Variants in RAB20 observed in about 807,000 individuals in gnomAD.
RAB20 encodes the protein ras-related protein Rab-20.
A neutral mutation model predicts 3.7 loss-of-function variants in RAB20; 2 were observed. The ratio of observed to expected loss-of-function variants is 0.54; its 90% confidence interval spans 0.22 to 1.69. The LOEUF (loss-of-function observed/expected upper bound fraction) is 1.69, where lower values mean the gene tolerates loss of function less well. Ranked by LOEUF, RAB20 falls within the 40% of genes most tolerant of loss-of-function variation. The pLI, the probability that RAB20 is intolerant of heterozygous loss-of-function variation, is 0.19. For synonymous variants in RAB20, 126 were observed against 130.8 expected, an observed-to-expected ratio of 0.96 and a Z score of 0.25; for missense variants, 276 against 311.9, an observed-to-expected ratio of 0.88 and a Z score of 0.87.
chr13:110,523,861 T>C lies in RAB20; in HGVS notation c.509A>G (p.Gln170Arg). ...KILKYKMLDEQDVPAAEQMCF... is the reference protein window; with the variant it reads ...KILKYKMLDERDVPAAEQMCF... ...CATTTGCTCAGCGGCCGGCACATCCTGCTCATCCAGCATCTTGTACTTGAG... is the reference window on the plus strand; with the variant it reads ...CATTTGCTCAGCGGCCGGCACATCCCGCTCATCCAGCATCTTGTACTTGAG... Residue 170 changes from glutamine to arginine, a missense_variant, in exon 2 of 2, where the codon CAG (glutamine) becomes CGG (arginine). By Grantham distance (43) the Gln-to-Arg change is conservative. Coordinates refer to ENST00000267328, the MANE Select transcript of RAB20 (RefSeq NM_017817.3). 6.2e-7 allele frequency: 1 copy of C among 1,614,234 alleles called. No homozygotes were observed. The highest frequency in any genetic ancestry group is 8.5e-7 in the Non-Finnish European group (1 of 1,180,048).
intron 1 of RAB20, among the ~76,000 whole-genome samples, chr13:110,545,269 G>T (rs1228105642): frequency 6.6e-6 from 1 of 152,156 alleles, no homozygotes; most frequent in African/African-American, 2.4e-5. Flanking sequence ...CAATTATTAT[G>T]CATTGCATGC....
intron 1 of RAB20, among the ~76,000 whole-genome samples, chr13:110,548,032 G>A (rs79797686): frequency 2.0e-4 from 30 of 152,250 alleles, no homozygotes; most frequent in East Asian, 5.8e-4. Flanking sequence ...TCCTTATGCC[G>A]TCAAGGCTCT....
At chr13:110,530,905 C>T (rs952170045) in intron 1 of RAB20, among the ~76,000 whole-genome samples, 11 of 152,224 alleles carry the variant, frequency 7.2e-5, no homozygotes, top group African/African-American at 2.7e-4. Flanking sequence ...AGAGCTAATT[C>T]CACTCACTTT....
intron 1 of RAB20, among the ~76,000 whole-genome samples, chr13:110,541,381 C>T (rs531974962): frequency 1.3e-5 from 2 of 152,300 alleles, no homozygotes; most frequent in Admixed American, 6.5e-5. Context: ...GCTAAGTAAA[C>T]AATAGGCCAC....
intron 1 of RAB20, among the ~76,000 whole-genome samples, chr13:110,550,829 G>A (rs1354753201): frequency 6.6e-6 from 1 of 152,098 alleles, no homozygotes; most frequent in Non-Finnish European, 1.5e-5. Context: ...ACACAGTCCT[G>A]GTATGTTAGT....
intron 1 of RAB20, among the ~76,000 whole-genome samples, chr13:110,558,445 G>A (rs1268377848): frequency 6.0e-5 from 9 of 148,810 alleles, no homozygotes; most frequent in South Asian, 2.1e-4. Flanking sequence ...GTGCAATGGC[G>A]CAATCTTGGC....
intron 1 of RAB20, among the ~76,000 whole-genome samples, chr13:110,548,201 C>T (rs1002855906): frequency 1.4e-5 from 2 of 148,014 alleles, no homozygotes; most frequent in African/African-American, 2.5e-5. Flanking sequence ...CACCATAATT[C>T]GGCCGGGCAC....
chr13:110,554,094 A>G (rs1885000328), intron 1 of RAB20, among the ~76,000 whole-genome samples: 1 of 152,204 alleles, frequency 6.6e-6, no homozygotes, highest in Non-Finnish European at 1.5e-5. Context: ...CAGCCTGGAC[A>G]ACAGACCAAG....
chr13:110,528,059 T>C lies in RAB20; in HGVS notation c.173-3862A>G, dbSNP rs560993781. The stretch of plus-strand genomic sequence containing the variant: ...TCGAGGCTGCAATAAGCTATGATCA[T>C]GCCACTGCACTCCAGCCTGAGCAAC... On this transcript the variant is annotated intron_variant, in intron 1 of 1. Coordinates refer to ENST00000267328, the MANE Select transcript of RAB20 (RefSeq NM_017817.3). Among the ~76,000 whole-genome samples, 4 of 151,892 alleles carry C rather than the reference T, an allele frequency of 2.6e-5. No individual in the cohort carries two copies. The South Asian group carries it at 8.3e-4, about 32-fold the overall frequency.
intron 1 of RAB20, among the ~76,000 whole-genome samples, chr13:110,537,929 CCATGCTACACTAT>C (rs950205714): frequency 1.1e-4 from 17 of 152,080 alleles, no homozygotes; most frequent in Non-Finnish European, 2.1e-4. Context: ...TTCCCAACAA[CCATGCTACACTAT>C]CAGCTTCAGG....
chr13:110,541,261 A>G (rs2139582509), intron 1 of RAB20, among the ~76,000 whole-genome samples: 1 of 152,354 alleles, frequency 6.6e-6, no homozygotes, highest in East Asian at 1.9e-4. Flanking sequence ...GGCCTCAGGA[A>G]CATCACTCCT....
chr13:110,530,046 T>A (rs536154153), intron 1 of RAB20, among the ~76,000 whole-genome samples: 1 of 152,270 alleles, frequency 6.6e-6, no homozygotes, highest in East Asian at 1.9e-4. Context: ...ACCAGGACTT[T>A]AACCGTGAGT....
chr13:110,533,420 T>C lies in RAB20; in HGVS notation c.173-9223A>G, dbSNP rs74596246. Among the ~76,000 whole-genome samples, 57 of 152,304 alleles carry C rather than the reference T, an allele frequency of 3.7e-4. No individual in the cohort carries two copies. In the East Asian group the frequency reaches 0.011, roughly 29 times the overall value. ...CGTGGAGGCCAGGCACAGTGGTTCA[T>C]ACCTGTAATCCTAGCACTTCAGAAG... On this transcript the variant is annotated intron_variant, in intron 1 of 1. Coordinates refer to ENST00000267328, the MANE Select transcript of RAB20 (RefSeq NM_017817.3).
chr13:110,536,559 G>A (rs992887876), intron 1 of RAB20, among the ~76,000 whole-genome samples: 3 of 152,142 alleles, frequency 2.0e-5, no homozygotes, highest in Non-Finnish European at 4.4e-5. Flanking sequence ...TAAAGGAGAA[G>A]TCAGTGAGGA....
chr13:110,552,869 A>G (rs1420963249), intron 1 of RAB20, among the ~76,000 whole-genome samples: 1 of 152,202 alleles, frequency 6.6e-6, no homozygotes, highest in Non-Finnish European at 1.5e-5. Context: ...ACAGTGCACT[A>G]AAGAGCCTGC....
In RAB20 at chr13:110,561,534, C is replaced by A. The variant is rs779120490; in HGVS notation, c.-15G>T. 1.9e-6 allele frequency: 3 copies of A among 1,544,284 alleles called. No individual in the cohort carries two copies. Among genetic ancestry groups the A allele is most frequent in the Non-Finnish European group, 2.6e-6 (3 of 1,145,562 alleles). On this transcript the variant is annotated 5_prime_UTR_variant, in exon 1 of 2. Transcript: ENST00000267328. Reference sequence around the variant, plus strand: ...GGCTTCCTCATCTTCCCGTAAGAACCCCCAGCGCCCCCGCGCCCTCTCCCC... The same window carrying A: ...GGCTTCCTCATCTTCCCGTAAGAACACCCAGCGCCCCCGCGCCCTCTCCCC...
In RAB20 at chr13:110,523,825, G is replaced by C. The variant is rs976136718; in HGVS notation, c.545C>G (p.Thr182Ser). 14 of 1,614,080 alleles carry C rather than the reference G, an allele frequency of 8.7e-6. No homozygotes were observed. Among genetic ancestry groups the C allele is most frequent in the Non-Finnish European group, 1.2e-5 (14 of 1,180,046 alleles). The change falls in exon 2 of 2, where the codon ACC becomes AGC. Residue 182 changes from threonine to serine, a missense_variant. Transcript: ENST00000267328. ...VPAAEQMCFE[T>S]SAKTGYNVDL... is the part of the protein sequence containing the mutation. The stretch of plus-strand genomic sequence containing the variant: ...CACATTGTAGCCGGTCTTGGCGCTG[G>C]TCTCAAAGCACATTTGCTCAGCGGC...
At position 110,523,708 on chromosome 13, in the gene RAB20, C is replaced by T. The variant is rs1229823239; in HGVS notation, c.662G>A (p.Ser221Asn). ...TCTGGTCCTCTTGGGTGGCTTATGA[C>T]TGGATATATCCACTGTGTGTGACGG... ...ERPSHTVDIS[S>N]HKPPKRTRSG... is the part of the protein sequence containing the mutation. The change falls in exon 2 of 2, where the codon AGT becomes AAT. Residue 221 changes from serine to asparagine, a missense_variant. Ser to Asn is a conservative substitution (Grantham distance 46, BLOSUM62 1). Transcript: ENST00000267328. The T allele has an allele frequency of 6.2e-7, 1 of 1,614,228 alleles. No homozygotes were observed. Among genetic ancestry groups the T allele is most frequent in the Admixed American group, 1.7e-5 (1 of 60,026 alleles).
At chr13:110,535,413 A>T (rs1044341605) in intron 1 of RAB20, among the ~76,000 whole-genome samples, 2 of 152,224 alleles carry the variant, frequency 1.3e-5, no homozygotes, top group Non-Finnish European at 2.9e-5. Context: ...GCGTGAAGTT[A>T]CAGAAACGAA....
Sources: allele counts gnomAD v4.1 joint callset (sites outside exome capture counted in the v4.1 genomes callset), GRCh38; gene constraint gnomAD v4.1.1; transcripts MANE v1.5; gene names NCBI Gene and HGNC (gene_info 2026-07-23, HGNC 2026-07-21).